The following PLS3 variants were observed in gnomAD, a reference collection of about 807,000 sequenced individuals.
The protein encoded by PLS3 is plastin 3, also known as plastin-3.
A neutral mutation model predicts 46.5 loss-of-function variants in PLS3; 11 were observed. The ratio of observed to expected loss-of-function variants is 0.24; its 90% CI spans 0.15 to 0.39. PLS3 has a LOEUF of 0.39. PLS3 is among the 10% of genes least tolerant of loss of function. The pLI, the probability that PLS3 is intolerant of heterozygous loss-of-function variation, is 1.00. For synonymous variants in PLS3, 167 were observed against 162.2 expected (o/e 1.03, Z -0.22); for missense variants, 308 against 461.8 (o/e 0.67, Z 3.05).
chrX:115,583,286 C>T (rs2074289478), intron 1 of PLS3, among the ~76,000 whole-genome samples: 1 of 112,129 alleles, frequency 8.9e-6, no homozygotes, highest in Non-Finnish European at 1.9e-5. Context: ...TGAAAGGTTC[C>T]CTCCCACCCC....
intron 1 of PLS3, among the ~76,000 whole-genome samples, chrX:115,566,619 C>T (rs941313291): frequency 2.7e-5 from 3 of 110,570 alleles, no homozygotes; most frequent in East Asian, 5.8e-4. Context: ...CCTCGTGATC[C>T]GCCCGCCTCG....
intron 1 of PLS3, among the ~76,000 whole-genome samples, chrX:115,609,673 T>G (rs2074529422): frequency 8.9e-6 from 1 of 112,471 alleles, no homozygotes; most frequent in Non-Finnish European, 1.9e-5. Context: ...GGGTGTATAC[T>G]CAGATAATAT....
At chrX:115,592,005 C>T (rs1210438019) in intron 1 of PLS3, among the ~76,000 whole-genome samples, 2 of 111,940 alleles carry the variant, frequency 1.8e-5, no homozygotes, top group African/African-American at 6.5e-5. Context: ...CAAAATGTAA[C>T]CCAGTGTCTG....
chrX:115,638,285 A>C (rs782400287), intron 8 of PLS3, among the ~76,000 whole-genome samples: 1 of 111,306 alleles, frequency 9.0e-6, no homozygotes, highest in Non-Finnish European at 1.9e-5. Flanking sequence ...TAATTTTTGT[A>C]TTTTTAGGAG....
chrX:115,587,444 T>C (rs1159269652), intron 1 of PLS3, among the ~76,000 whole-genome samples: 2 of 111,963 alleles, frequency 1.8e-5, no homozygotes, highest in African/African-American at 3.2e-5. Context: ...TTTTTAAAAA[T>C]AGAAAACCAG....
intron 7 of PLS3, among the ~76,000 whole-genome samples, chrX:115,636,336 A>AGCT (rs1366907774): frequency 9.2e-6 from 1 of 108,283 alleles, no homozygotes; most frequent in Non-Finnish European, 1.9e-5. Context: ...CCTCCCAAGT[A>AGCT]GCTGGGACTA....
chrX:115,650,519 C>T lies in PLS3; in HGVS notation c.*958C>T, dbSNP rs2147598146. 8.9e-6 allele frequency: 1 copy of T among 111,845 alleles called. No homozygotes were observed. The highest frequency in any genetic ancestry group is 3.7e-4 in the South Asian group (1 of 2,689). 9.2% of individuals were successfully genotyped at this position (111,845 alleles called of 1,213,427 possible). A position where few individuals can be genotyped will look rare whatever the true frequency, so the allele number is the denominator to read the frequency against. ...TACACCTGAAACAAAGAAATGTGGTCACTAAAAATAAAAGTATATATGTAG... is the reference window on the plus strand; with the variant it reads ...TACACCTGAAACAAAGAAATGTGGTTACTAAAAATAAAAGTATATATGTAG... On this transcript the variant is annotated 3_prime_UTR_variant, in exon 16 of 16. Transcript: ENST00000355899.
chrX:115,577,759 T>G (rs781933447), intron 1 of PLS3, among the ~76,000 whole-genome samples: 17 of 111,452 alleles, frequency 1.5e-4, no homozygotes, highest in Non-Finnish European at 3.2e-4. Context: ...ATTACAGGAG[T>G]AAACCACCAT....
intron 1 of PLS3, among the ~76,000 whole-genome samples, chrX:115,578,620 G>C (rs1339203754): frequency 9.8e-6 from 1 of 101,909 alleles, no homozygotes; most frequent in Non-Finnish European, 2.0e-5. Context: ...AGCTACTCGG[G>C]AGGCTGAGGC....
At chrX:115,603,265 A>G (rs1478502205) in intron 1 of PLS3, among the ~76,000 whole-genome samples, 1 of 110,933 alleles carries the variant, frequency 9.0e-6, no homozygotes, top group Non-Finnish European at 1.9e-5. Context: ...CCAATTGTAC[A>G]CTATATCCTT....
At chrX:115,561,324 G>C (rs1464429692) in intron 1 of PLS3, 64 bp downstream of exon 1, 1 of 110,990 alleles carries the variant, frequency 9.0e-6, no homozygotes, top group Non-Finnish European at 1.9e-5. Flanking sequence ...GGGCAGGAGT[G>C]GGTCCCGGGG....
At chrX:115,632,338 G>A (rs1425353668) in intron 5 of PLS3, among the ~76,000 whole-genome samples, 1 of 110,580 alleles carries the variant, frequency 9.0e-6, no homozygotes, top group African/African-American at 3.3e-5. Context: ...GCTCGCACCT[G>A]TAATCCCAGG....
At position 115,567,484 on chromosome X, in the gene PLS3, A is replaced by G. The variant is rs782458089; in HGVS notation, c.-9+6224A>G. 1.1e-4 allele frequency among the ~76,000 whole-genome samples: 12 copies of G among 110,006 alleles called. No individual in the cohort carries two copies. The South Asian group carries it at 4.7e-3, about 43-fold the overall frequency. ...CACGGGCTTGTAGTCCCAGCTACCC[A>G]AGAGGCTGAGGTGGGAGGATTGCTT... On this transcript the variant is annotated intron_variant, in intron 1 of 15. Transcript: ENST00000355899.
intron 5 of PLS3, among the ~76,000 whole-genome samples, chrX:115,632,750 C>CT (rs375834933): frequency 0.016 from 1,666 of 104,436 alleles, 36 homozygotes; most frequent in African/African-American, 0.054. Context: ...CCACCCCCCA[C>CT]TTTTTTTTTT....
intron 11 of PLS3, among the ~76,000 whole-genome samples, chrX:115,645,817 G>T (rs1232316028): frequency 9.0e-6 from 1 of 111,654 alleles, no homozygotes; most frequent in African/African-American, 3.3e-5. Context: ...TGACTCTAAT[G>T]CAAGGACAGG....
intron 2 of PLS3, among the ~76,000 whole-genome samples, chrX:115,618,732 C>A (rs1440376963): frequency 9.0e-6 from 1 of 111,276 alleles, no homozygotes; most frequent in Non-Finnish European, 1.9e-5. Flanking sequence ...CCCATCTCTA[C>A]TAAAAATACA....
intron 2 of PLS3, chrX:115,614,014 C>G (rs2074571823): frequency 9.0e-6 from 1 of 111,337 alleles, no homozygotes; most frequent in East Asian, 2.8e-4. Context: ...CTCTGTCACC[C>G]AGGCTGGAGT....
intron 2 of PLS3, among the ~76,000 whole-genome samples, chrX:115,621,839 T>C (rs1216953456): frequency 3.6e-5 from 4 of 112,109 alleles, no homozygotes; most frequent in Non-Finnish European, 7.5e-5. Flanking sequence ...AAGTTCTTTT[T>C]GGAGCAATGG....
chrX:115,595,192 T>C (rs1215641212), intron 1 of PLS3, among the ~76,000 whole-genome samples: 2 of 111,909 alleles, frequency 1.8e-5, no homozygotes, highest in Admixed American at 1.9e-4. Flanking sequence ...TCAGATCTTA[T>C]CTTTGTTTAT....
Sources: gnomAD v4.1 joint callset for allele counts (sites outside exome capture counted in the v4.1 genomes callset) on GRCh38, gnomAD v4.1.1 for gene constraint, MANE v1.5 for transcripts, NCBI Gene and HGNC (gene_info 2026-07-23, HGNC 2026-07-21) for gene names.